Variants in RBFOX1 observed in about 807,000 individuals in gnomAD.
RBFOX1 encodes the protein RNA binding protein fox-1 homolog 1.
In RBFOX1, 8 loss-of-function variants were observed where a neutral mutation model predicts 57.7. The observed-to-expected ratio is 0.14, with a 90% CI of 0.08 to 0.25. The LOEUF (loss-of-function observed/expected upper bound fraction) is 0.25. Among genes scored for constraint, RBFOX1 ranks in the 10% least tolerant of loss-of-function variants. RBFOX1 has a pLI of 1.00. For missense variants in RBFOX1, 611 were observed against 548.5 expected (o/e 1.11, Z -1.14); for synonymous variants, 326 against 222.4 (o/e 1.47, Z -4.15).
rs541025653 is a variant in RBFOX1 at position 5,999,832 on chromosome 16, C to A, written c.351+132497C>A. ...GCAGAGATCGCAGATCGCACCACTG[C>A]GCTCCAGCCTGGGCGACAGAGCGAG... On this transcript the variant is annotated intron_variant, in intron 4 of 19. Transcript: ENST00000641259. Among the ~76,000 whole-genome samples, 6 of 120,498 alleles carry A rather than the reference C, an allele frequency of 5.0e-5. 1 individual carries two copies. The highest frequency in any genetic ancestry group is 8.0e-5 in the Non-Finnish European group (5 of 62,254). 79.1% of individuals were successfully genotyped at this position (120,498 alleles called of 152,430 possible).
At chr16:7,526,895 T>A (rs2078828503) in intron 5 of RBFOX1, among the ~76,000 whole-genome samples, 1 of 152,150 alleles carries the variant, frequency 6.6e-6, no homozygotes, top group South Asian at 2.1e-4. Context: ...CAGACCAAAA[T>A]TCTTAAGGGC....
chr16:6,858,642 G>C (rs1339699242), intron 3 of RBFOX1, among the ~76,000 whole-genome samples: 1 of 152,018 alleles, frequency 6.6e-6, no homozygotes, highest in Non-Finnish European at 1.5e-5. Flanking sequence ...GTTTATATGA[G>C]ACATATCACT....
At chr16:7,188,411 G>A (rs754484464) in intron 4 of RBFOX1, among the ~76,000 whole-genome samples, 1 of 152,168 alleles carries the variant, frequency 6.6e-6, no homozygotes, top group African/African-American at 2.4e-5. Flanking sequence ...AATTTGCATT[G>A]CAGTTAGTTT....
At chr16:5,844,212 G>T (rs1029739728) in intron 3 of RBFOX1, among the ~76,000 whole-genome samples, 3 of 152,134 alleles carry the variant, frequency 2.0e-5, no homozygotes, top group Non-Finnish European at 4.4e-5. Flanking sequence ...TACCATGAGG[G>T]TTATTATGTT....
intron 3 of RBFOX1, among the ~76,000 whole-genome samples, chr16:6,974,431 G>C (rs181572250): frequency 6.2e-5 from 8 of 128,268 alleles, no homozygotes; most frequent in African/African-American, 1.8e-4. Flanking sequence ...TGCAACTTTC[G>C]CCTCCCAGGT....
chr16:6,606,355 G>C (rs1431567704), intron 2 of RBFOX1, among the ~76,000 whole-genome samples: 1 of 152,110 alleles, frequency 6.6e-6, no homozygotes, highest in Non-Finnish European at 1.5e-5. Flanking sequence ...TCTCAAAAAT[G>C]ACTGTACGTG....
chr16:7,011,582 C>A (rs143543603), intron 3 of RBFOX1, among the ~76,000 whole-genome samples: 6 of 152,220 alleles, frequency 3.9e-5, no homozygotes, highest in East Asian at 1.9e-4. Context: ...GGCATGATCT[C>A]GGCTCACTGC....
chr16:5,484,536 G>C (rs985207721), intron 2 of RBFOX1, among the ~76,000 whole-genome samples: 1 of 152,142 alleles, frequency 6.6e-6, no homozygotes, highest in Non-Finnish European at 1.5e-5. Flanking sequence ...CCAGCCCTTT[G>C]GGAGGCTGAG....
intron 5 of RBFOX1, among the ~76,000 whole-genome samples, chr16:7,577,850 G>C (rs1303108159): frequency 6.6e-6 from 1 of 152,228 alleles, no homozygotes; most frequent in Non-Finnish European, 1.5e-5. Flanking sequence ...AGCCGTGATT[G>C]TGCCATGGCA....
At chr16:5,354,848 A>G (rs527694140) in intron 1 of RBFOX1, among the ~76,000 whole-genome samples, 3 of 152,316 alleles carry the variant, frequency 2.0e-5, no homozygotes, top group African/African-American at 7.2e-5. Flanking sequence ...ACTTGTCACC[A>G]TGTGCCAGGC....
At position 6,729,645 on chromosome 16, in the gene RBFOX1, C is replaced by A. The variant is rs116753217; in HGVS notation, c.-16+74995C>A. On this transcript the variant is annotated intron_variant, in intron 3 of 15. Transcript: ENST00000550418. ...CTGTGTGTAGAAAGTACCTCATTCTCTTCTAACTTTAGACTTGCAACCCTT... is the reference window on the plus strand; with the variant it reads ...CTGTGTGTAGAAAGTACCTCATTCTATTCTAACTTTAGACTTGCAACCCTT... Among the ~76,000 whole-genome samples, 562 of 152,268 alleles carry A rather than the reference C, an allele frequency of 3.7e-3. 5 individuals carry two copies. The highest frequency in any genetic ancestry group is 0.013 in the African/African-American group (539 of 41,572).
At chr16:5,684,451 C>T (rs2050441194) in intron 3 of RBFOX1, among the ~76,000 whole-genome samples, 1 of 152,092 alleles carries the variant, frequency 6.6e-6, no homozygotes, top group African/African-American at 2.4e-5. Context: ...TCCCACGTGG[C>T]ACCAGCTCTC....
At chr16:7,426,331 T>C (rs2098611355) in intron 4 of RBFOX1, among the ~76,000 whole-genome samples, 1 of 152,198 alleles carries the variant, frequency 6.6e-6, no homozygotes, top group Non-Finnish European at 1.5e-5. Context: ...AAGAGGTGAT[T>C]AGAGGGGAGT....
At chr16:6,596,087 C>T (rs1464598058) in intron 2 of RBFOX1, among the ~76,000 whole-genome samples, 2 of 151,780 alleles carry the variant, frequency 1.3e-5, no homozygotes, top group African/African-American at 4.8e-5. Flanking sequence ...CTTTTTACTT[C>T]TTATATGGGA....
chr16:5,726,147 C>T (rs1251728287), intron 3 of RBFOX1, among the ~76,000 whole-genome samples: 50 of 151,504 alleles, frequency 3.3e-4, no homozygotes, highest in Admixed American at 3.3e-3. Context: ...TCCTTTCGTC[C>T]CAGTTTAATT....
intron 3 of RBFOX1, among the ~76,000 whole-genome samples, chr16:6,728,431 T>C (rs1892216846): frequency 6.6e-6 from 1 of 152,228 alleles, no homozygotes; most frequent in African/African-American, 2.4e-5. Flanking sequence ...TTTTGTATGT[T>C]TCATAACCTT....
chr16:7,571,453 A>G (rs1343833543), intron 5 of RBFOX1, among the ~76,000 whole-genome samples: 3 of 152,196 alleles, frequency 2.0e-5, no homozygotes, highest in East Asian at 3.9e-4. Flanking sequence ...GCTCAGAGCT[A>G]TTCATTGAAT....
At chr16:6,234,930 C>A (rs368864472) in intron 1 of RBFOX1, among the ~76,000 whole-genome samples, 11 of 152,202 alleles carry the variant, frequency 7.2e-5, no homozygotes, top group Admixed American at 1.3e-4. Flanking sequence ...GAAAATGTTT[C>A]CATTGGGGGA....
At chr16:7,021,704 A>G (rs953015744) in intron 3 of RBFOX1, among the ~76,000 whole-genome samples, 3 of 150,242 alleles carry the variant, frequency 2.0e-5, no homozygotes, top group African/African-American at 7.3e-5. Context: ...CCATCATAGT[A>G]TTTACCAAGC....
Sources: allele counts gnomAD v4.1 joint callset (sites outside exome capture counted in the v4.1 genomes callset), GRCh38; gene constraint gnomAD v4.1.1; transcripts MANE v1.5; gene names NCBI Gene and HGNC (gene_info 2026-07-23, HGNC 2026-07-21).